Variants in CNGB3 observed in about 807,000 individuals in gnomAD.
The protein encoded by CNGB3 is cyclic nucleotide-gated channel beta-3.
In CNGB3, 86 loss-of-function variants were observed where a neutral mutation model predicts 92.8. The ratio of observed to expected loss-of-function variants is 0.93; its 90% CI spans 0.78 to 1.11. CNGB3 has a LOEUF of 1.11. CNGB3 is among the 50% of genes least tolerant of loss of function. The probability of loss-of-function intolerance (pLI) is 0.00; values close to 1 mark genes in which losing one functional copy is unlikely to be tolerated. For synonymous variants in CNGB3, 333 were observed against 332.7 expected, an observed-to-expected ratio of 1.00 and a Z score of -0.01; for missense variants, 1,026 against 956.8, an observed-to-expected ratio of 1.07 and a Z score of -0.95.
intron 7 of CNGB3, among the ~76,000 whole-genome samples, 194 bp downstream of exon 7, chr8:86,653,818 T>C (rs999319189): frequency 2.6e-5 from 4 of 152,152 alleles, no homozygotes; most frequent in African/African-American, 9.7e-5. Context: ...TAATAAGGGC[T>C]TATATGTTGA....
At chr8:86,633,920 T>C (rs1203333904) in intron 10 of CNGB3, among the ~76,000 whole-genome samples, 2 of 152,190 alleles carry the variant, frequency 1.3e-5, no homozygotes, top group Admixed American at 6.5e-5. Context: ...TCCATCTTAA[T>C]AGGGAAATTA....
At chr8:86,690,912 A>G (rs189810715) in intron 3 of CNGB3, among the ~76,000 whole-genome samples, 8 of 152,086 alleles carry the variant, frequency 5.3e-5, no homozygotes, top group African/African-American at 1.7e-4. Flanking sequence ...TGTTCCATTG[A>G]TCTATATCTC....
intron 7 of CNGB3, among the ~76,000 whole-genome samples, chr8:86,649,289 C>CT (rs1161506569): frequency 8.6e-5 from 13 of 151,426 alleles, no homozygotes; most frequent in East Asian, 3.9e-4. Flanking sequence ...AAAATACCAA[C>CT]TTTTTTTTCA....
chr8:86,619,431 T>A (rs978566934), intron 13 of CNGB3, among the ~76,000 whole-genome samples: 2 of 152,176 alleles, frequency 1.3e-5, no homozygotes, highest in African/African-American at 4.8e-5. Flanking sequence ...ATCATTTTTG[T>A]GAAAAATTAA....
intron 12 of CNGB3, among the ~76,000 whole-genome samples, chr8:86,626,776 A>G (rs923439602): frequency 6.6e-6 from 1 of 152,178 alleles, no homozygotes; most frequent in Admixed American, 6.5e-5. Context: ...ATTTTTCTAC[A>G]TGTGAATTAA....
chr8:86,703,687 T>C (rs1824598374), intron 3 of CNGB3, among the ~76,000 whole-genome samples: 3 of 152,202 alleles, frequency 2.0e-5, no homozygotes, highest in South Asian at 2.1e-4. Context: ...GCCTGTACAA[T>C]AGGAGCCAGT....
intron 6 of CNGB3, among the ~76,000 whole-genome samples, chr8:86,655,149 G>T (rs931170164): frequency 6.6e-6 from 1 of 152,062 alleles, no homozygotes; most frequent in Non-Finnish European, 1.5e-5. Context: ...ACAACCAATA[G>T]CCAAGTTCTA....
At chr8:86,679,607 C>G (rs544779411) in intron 3 of CNGB3, among the ~76,000 whole-genome samples, 1 of 151,976 alleles carries the variant, frequency 6.6e-6, no homozygotes, top group Non-Finnish European at 1.5e-5. Flanking sequence ...CTCACTGCAA[C>G]CTTTGCCTCC....
chr8:86,627,207 A>G (rs1585978176), intron 12 of CNGB3, among the ~76,000 whole-genome samples: 1 of 152,174 alleles, frequency 6.6e-6, no homozygotes, highest in African/African-American at 2.4e-5. Context: ...TCCTTCATAT[A>G]TAAACACAGT....
intron 3 of CNGB3, among the ~76,000 whole-genome samples, chr8:86,700,747 T>A (rs1431428878): frequency 1.3e-5 from 2 of 152,206 alleles, no homozygotes; most frequent in Non-Finnish European, 2.9e-5. Flanking sequence ...CAAGCAATTC[T>A]CATGCCTCAA....
chr8:86,663,246 T>C (rs1823679205), intron 6 of CNGB3, among the ~76,000 whole-genome samples: 1 of 152,216 alleles, frequency 6.6e-6, no homozygotes, highest in Admixed American at 6.5e-5. Flanking sequence ...GTGAATTTTG[T>C]GATTGGTAGG....
intron 15 of CNGB3, chr8:86,594,379 C>A: frequency 3.3e-6 from 1 of 305,314 alleles, no homozygotes; most frequent in Non-Finnish European, 6.3e-6. Flanking sequence ...CCTTCATTTT[C>A]TTGTAGGAAA....
chr8:86,635,430 T>C (rs1413170728), intron 10 of CNGB3, among the ~76,000 whole-genome samples: 2 of 152,166 alleles, frequency 1.3e-5, no homozygotes, highest in East Asian at 3.8e-4. Context: ...TCTCCCATTT[T>C]CTTTTTTATG....
Position 86,647,860 on chromosome 8 carries a change from C to T in CNGB3, c.931G>A (p.Asp311Asn). 6.3e-7 allele frequency: 1 copy of T among 1,598,468 alleles called. No homozygotes were observed. The highest frequency in any genetic ancestry group is 8.6e-7 in the Non-Finnish European group (1 of 1,166,724). Reference sequence around the variant, plus strand: ...AACCCAAAGAAGAGGTAGCAAATATCAAATGGTATTATTGATGCGACATCC... The same window carrying T: ...AACCCAAAGAAGAGGTAGCAAATATTAAATGGTATTATTGATGCGACATCC... The part of the protein sequence containing the change: ...QLDVASIIPF[D>N]ICYLFFGFNP... The change falls in exon 8 of 18, where the codon GAT (aspartate) becomes AAT (asparagine). Residue 311 changes from aspartate (D) to asparagine (N), a missense_variant. Physicochemically the swap from Asp to Asn is conservative, Grantham distance 23. Transcript: ENST00000320005.
intron 15 of CNGB3, among the ~76,000 whole-genome samples, chr8:86,592,782 A>G (rs1424452752): frequency 6.6e-6 from 1 of 152,176 alleles, no homozygotes; most frequent in Non-Finnish European, 1.5e-5. Flanking sequence ...AACTCCAAAT[A>G]TTTGTTCTCA....
intron 13 of CNGB3, among the ~76,000 whole-genome samples, chr8:86,616,164 A>G (rs1358260607): frequency 6.6e-6 from 1 of 152,212 alleles, no homozygotes; most frequent in Non-Finnish European, 1.5e-5. Context: ...TCTCAGAGAA[A>G]AACATTTGAA....
intron 6 of CNGB3, among the ~76,000 whole-genome samples, chr8:86,664,578 T>C (rs1227721794): frequency 2.6e-5 from 4 of 152,126 alleles, no homozygotes; most frequent in African/African-American, 9.7e-5. Flanking sequence ...TGAAAACACA[T>C]TTTTCTGTTT....
chr8:86,657,731 C>T, intron 6 of CNGB3: 1 of 469,724 alleles, frequency 2.1e-6, no homozygotes, highest in Non-Finnish European at 4.3e-6. Flanking sequence ...ACACCAGCTC[C>T]TGCAGCTCCT....
At chr8:86,677,657 G>A (rs754845339) in intron 3 of CNGB3, among the ~76,000 whole-genome samples, 1 of 152,094 alleles carries the variant, frequency 6.6e-6, no homozygotes, top group African/African-American at 2.4e-5. Flanking sequence ...TAGAGAGACA[G>A]ATCTAAAAGA....
Sources: allele counts gnomAD v4.1 joint callset (sites outside exome capture counted in the v4.1 genomes callset), GRCh38; gene constraint gnomAD v4.1.1; transcripts MANE v1.5; gene names NCBI Gene and HGNC (gene_info 2026-07-23, HGNC 2026-07-21).